The following FMNL2 variants were observed in gnomAD, a reference collection of about 807,000 sequenced individuals.
FMNL2 encodes the protein formin-like protein 2.
In FMNL2, 51 loss-of-function variants were observed where a neutral mutation model predicts 130.2. The ratio of observed to expected loss-of-function variants is 0.39; its 90% CI spans 0.31 to 0.49. The LOEUF is 0.49. FMNL2 is among the 20% of genes least tolerant of loss of function. The probability of loss-of-function intolerance (pLI) is 0.85; values close to 1 mark genes in which losing one functional copy is unlikely to be tolerated. For synonymous variants in FMNL2, 465 were observed against 467.1 expected (o/e 1.00, Z 0.06); for missense variants, 977 against 1,316.2 (o/e 0.74, Z 3.99).
chr2:152,510,185 T>G (rs1288730843), intron 1 of FMNL2, among the ~76,000 whole-genome samples: 1 of 152,260 alleles, frequency 6.6e-6, no homozygotes, highest in Non-Finnish European at 1.5e-5. Context: ...TCCTAATTAC[T>G]TATTTGTTTA....
At chr2:152,495,508 G>C (rs909481844) in intron 1 of FMNL2, among the ~76,000 whole-genome samples, 8 of 151,396 alleles carry the variant, frequency 5.3e-5, no homozygotes, top group African/African-American at 1.9e-4. Flanking sequence ...AAATTAGCTG[G>C]GTGTGGTGGC....
chr2:152,492,435 T>G (rs891560368), intron 1 of FMNL2, among the ~76,000 whole-genome samples: 4 of 152,238 alleles, frequency 2.6e-5, no homozygotes, highest in Admixed American at 6.5e-5. Context: ...TTTTTGGCTT[T>G]GTCAACTCAG....
intron 9 of FMNL2, among the ~76,000 whole-genome samples, chr2:152,605,223 C>A (rs1395127280): frequency 5.9e-5 from 9 of 152,098 alleles, no homozygotes; most frequent in African/African-American, 2.4e-5. Flanking sequence ...ATTGTGCATG[C>A]CCGTGTCCCC....
chr2:152,335,909 C>T (rs572017460), intron 1 of FMNL2, among the ~76,000 whole-genome samples, 189 bp downstream of exon 1: 1 of 151,738 alleles, frequency 6.6e-6, no homozygotes, highest in African/African-American at 2.4e-5. Context: ...CGCGCTCAGT[C>T]TCTCGGGGTC....
intron 5 of FMNL2, among the ~76,000 whole-genome samples, 189 bp from the exon 6 acceptor site, chr2:152,560,694 T>C (rs552645091): frequency 1.3e-5 from 2 of 152,362 alleles, no homozygotes; most frequent in East Asian, 3.9e-4. Context: ...TTATTTGTCA[T>C]TCTGTATTCT....
intron 1 of FMNL2, among the ~76,000 whole-genome samples, chr2:152,496,125 A>C (rs901078777): frequency 6.6e-6 from 1 of 152,210 alleles, no homozygotes; most frequent in African/African-American, 2.4e-5. Context: ...ACAGGGACAC[A>C]ATACTATTAA....
chr2:152,483,568 T>C, intron 1 of FMNL2, among the ~76,000 whole-genome samples: 1 of 152,176 alleles, frequency 6.6e-6, no homozygotes, highest in Non-Finnish European at 1.5e-5. Flanking sequence ...AAAAATGTCA[T>C]CAGGATCTGA....
At position 152,602,302 on chromosome 2, in the gene FMNL2, C is replaced by T. The variant is rs116185325; in HGVS notation, c.877-5037C>T. ...GATCGTGAATTTATTCACTTGCAGCCGGTTTATAGATGATTTATAATGAAG... is the reference window on the plus strand; with the variant it reads ...GATCGTGAATTTATTCACTTGCAGCTGGTTTATAGATGATTTATAATGAAG... On this transcript the variant is annotated intron_variant, in intron 9 of 25. Transcript: ENST00000288670. Among the ~76,000 whole-genome samples, 391 of 152,210 alleles carry T rather than the reference C, an allele frequency of 2.6e-3. 2 individuals are homozygous for T. The highest frequency in any genetic ancestry group is 8.9e-3 in the African/African-American group (370 of 41,522).
At chr2:152,533,623 C>A (rs1009980391) in intron 2 of FMNL2, among the ~76,000 whole-genome samples, 16 of 136,546 alleles carry the variant, frequency 1.2e-4, no homozygotes, top group African/African-American at 4.1e-4. Context: ...ATTTTAGAAT[C>A]AGCTTGTCAG....
At chr2:152,364,287 T>TTG (rs1683380508) in intron 1 of FMNL2, among the ~76,000 whole-genome samples, 16 of 131,992 alleles carry the variant, frequency 1.2e-4, no homozygotes, top group Non-Finnish European at 2.5e-4. Context: ...TTTTTTTTTT[T>TTG]TTTTTACCAG....
intron 1 of FMNL2, among the ~76,000 whole-genome samples, chr2:152,396,998 T>C (rs1331981308): frequency 6.6e-6 from 1 of 152,258 alleles, no homozygotes; most frequent in Non-Finnish European, 1.5e-5. Flanking sequence ...ATTTGTAGAC[T>C]AAATATGTTA....
chr2:152,492,814 T>G (rs1239216814), intron 1 of FMNL2, among the ~76,000 whole-genome samples: 1 of 152,226 alleles, frequency 6.6e-6, no homozygotes, highest in Non-Finnish European at 1.5e-5. Flanking sequence ...TAAGTGAAAT[T>G]TGTTTTAACA....
chr2:152,585,599 C>T (rs1371620081), intron 9 of FMNL2, among the ~76,000 whole-genome samples: 5 of 152,172 alleles, frequency 3.3e-5, no homozygotes, highest in African/African-American at 9.7e-5. Flanking sequence ...TGTGGCTATA[C>T]TCTGGCTCTG....
chr2:152,455,842 G>A (rs1688921276), intron 1 of FMNL2, among the ~76,000 whole-genome samples: 2 of 152,152 alleles, frequency 1.3e-5, no homozygotes, highest in African/African-American at 4.8e-5. Flanking sequence ...AGCCCCCTGA[G>A]TAGCTGAGAC....
chr2:152,412,501 T>A (rs866877008), intron 1 of FMNL2, among the ~76,000 whole-genome samples: 1,354 of 98,436 alleles, frequency 0.014, 14 homozygotes, highest in Middle Eastern at 0.037. Flanking sequence ...TATATATATA[T>A]AAATTAGAAA....
Position 152,614,877 on chromosome 2 carries a change from G to C in FMNL2, c.1089G>C (p.Lys363Asn). The C allele has an allele frequency of 6.2e-7, 1 of 1,612,376 alleles. No homozygotes were observed. Residue 363 changes from lysine (K) to asparagine (N), a missense_variant, in exon 12 of 26, where the codon AAG (lysine) becomes AAC (asparagine). Coordinates refer to ENST00000288670, the MANE Select transcript of FMNL2 (RefSeq NM_052905.4). ...AGCTGAAACACACTGAGAGTGACAA[G>C]CTTCAAGTCCAGATCCAGGCTTACC... ...LDKLKHTESD[K>N]LQVQIQAYLD...
intron 9 of FMNL2, among the ~76,000 whole-genome samples, chr2:152,601,527 C>A (rs190240407): frequency 6.9e-4 from 105 of 152,012 alleles, no homozygotes; most frequent in African/African-American, 2.2e-3. Flanking sequence ...TCTCGAACTC[C>A]TGACCTCAGG....
At chr2:152,486,525 G>A (rs1057075393) in intron 1 of FMNL2, among the ~76,000 whole-genome samples, 2 of 152,314 alleles carry the variant, frequency 1.3e-5, no homozygotes, top group Non-Finnish European at 2.9e-5. Context: ...TAAATGGAAG[G>A]TTAAACACTT....
chr2:152,480,346 CTGGGCCAAGCGCAG>C (rs910845471), intron 1 of FMNL2, among the ~76,000 whole-genome samples: 1 of 152,080 alleles, frequency 6.6e-6, no homozygotes, highest in Admixed American at 6.5e-5. Context: ...AAAAATAACT[CTGGGCCAAGCGCAG>C]TGGCTCACGC....
Sources: gnomAD v4.1 joint callset for allele counts (sites outside exome capture counted in the v4.1 genomes callset) on GRCh38, gnomAD v4.1.1 for gene constraint, MANE v1.5 for transcripts, NCBI Gene and HGNC (gene_info 2026-07-23, HGNC 2026-07-21) for gene names.